The following STARD4 variants were observed in gnomAD, a reference collection of about 807,000 sequenced individuals.
STARD4 encodes the protein StAR related lipid transfer domain containing 4.
STARD4 carries 33 observed loss-of-function variants against 24.9 expected under a neutral mutation model. The observed-to-expected ratio is 1.32, with a 90% CI of 1.00 to 1.77. STARD4 has a LOEUF of 1.77. STARD4 is among the 40% of genes most tolerant of loss of function. The pLI is 0.00. For missense variants in STARD4, 238 were observed against 249.3 expected (o/e 0.95, Z 0.31); for synonymous variants, 88 against 77.4 (o/e 1.14, Z -0.72).
chr5:111,502,341 C>A (rs148236970), intron 3 of STARD4, among the ~76,000 whole-genome samples: 2 of 151,338 alleles, frequency 1.3e-5, no homozygotes, highest in South Asian at 4.2e-4. Flanking sequence ...TGGTGGCATG[C>A]GCCTGTAGTC....
In STARD4 at chr5:111,506,384, A is replaced by G. The variant is rs1210732766; in HGVS notation, c.106-5T>C. 4 of 1,425,766 alleles carry G rather than the reference A, an allele frequency of 2.8e-6. No individual in the cohort carries two copies. The highest frequency in any genetic ancestry group is 1.9e-6 in the Non-Finnish European group (2 of 1,027,680). The allele number at this position is 1,425,766 out of a possible 1,614,324, so 88.3% of individuals were successfully genotyped here. ...TCTCCAAACAGTTACATCTTTCTAG[A>G]AAAATAAAAACATTATATGGTAATA... On this transcript the variant is annotated splice_polypyrimidine_tract_variant and splice_region_variant and intron_variant, in intron 2 of 5. Coordinates refer to ENST00000296632, the MANE Select transcript of STARD4 (RefSeq NM_139164.3).
At chr5:111,505,283 T>A (rs1342571837) in intron 3 of STARD4, among the ~76,000 whole-genome samples, 1 of 152,242 alleles carries the variant, frequency 6.6e-6, no homozygotes, top group Non-Finnish European at 1.5e-5. Flanking sequence ...ACTTCCATAC[T>A]TGCTTACAAT....
At position 111,506,007 on chromosome 5, in the gene STARD4, T is replaced by G. The variant is rs370697442; in HGVS notation, c.155+323A>C. ...GAGCTCAAGACCAGCCTAGCCAAGATGGTGAAACCCCATCTGTACTAAAAA... is the reference window on the plus strand; with the variant it reads ...GAGCTCAAGACCAGCCTAGCCAAGAGGGTGAAACCCCATCTGTACTAAAAA... On this transcript the variant is annotated intron_variant, in intron 3 of 5. Transcript: ENST00000296632. Among the ~76,000 whole-genome samples, 162 of 152,102 alleles carry G rather than the reference T, an allele frequency of 1.1e-3. 1 individual carries two copies. The highest frequency in any genetic ancestry group is 3.8e-3 in the African/African-American group (156 of 41,498).
At chr5:111,510,227 G>A (rs1172255449) in intron 1 of STARD4, among the ~76,000 whole-genome samples, 1 of 152,164 alleles carries the variant, frequency 6.6e-6, no homozygotes, top group African/African-American at 2.4e-5. Context: ...TGTGTAAACA[G>A]GCATAATTGA....
intron 3 of STARD4, among the ~76,000 whole-genome samples, chr5:111,505,890 AT>A (rs1756816892): frequency 6.6e-6 from 1 of 151,866 alleles, no homozygotes; most frequent in Non-Finnish European, 1.5e-5. Flanking sequence ...CATAAGCCCA[AT>A]TTGCTTTCCG....
In STARD4 at chr5:111,499,697, A is replaced by G; in HGVS notation, c.*189T>C. 1 of 595,902 alleles carries G rather than the reference A, an allele frequency of 1.7e-6. No homozygotes were observed. Among genetic ancestry groups the G allele is most frequent in the Non-Finnish European group, 2.9e-6 (1 of 344,208 alleles). The allele number at this position is 595,902 out of a possible 1,614,324, so 36.9% of individuals were successfully genotyped here. A position where few individuals can be genotyped will look rare whatever the true frequency, so the allele number is the denominator to read the frequency against. On this transcript the variant is annotated 3_prime_UTR_variant, in exon 6 of 6. Coordinates refer to ENST00000296632, the MANE Select transcript of STARD4 (RefSeq NM_139164.3). ...GAGCCTGTCTCAAAATTTAAAAAAA[A>G]AAAAGTGAAAATGCCCTCTCTTAGA... is the stretch of plus-strand genomic sequence containing the variant.
chr5:111,501,767 CA>C (rs938218475), intron 4 of STARD4, among the ~76,000 whole-genome samples, 194 bp downstream of exon 4: 1 of 152,144 alleles, frequency 6.6e-6, no homozygotes, highest in African/African-American at 2.4e-5. Context: ...GTCTAACACT[CA>C]TTAATTAGTA....
intron 5 of STARD4, chr5:111,500,640 G>T (rs944137030): frequency 2.9e-5 from 35 of 1,196,792 alleles, no homozygotes; most frequent in Non-Finnish European, 3.5e-5. Flanking sequence ...AAGGAAGGAA[G>T]AATATTCTAA....
chr5:111,505,246 A>G (rs1038964757), intron 3 of STARD4, among the ~76,000 whole-genome samples: 1 of 152,150 alleles, frequency 6.6e-6, no homozygotes, highest in South Asian at 2.1e-4. Flanking sequence ...TTCAACCCTC[A>G]CTGGGAATTA....
At chr5:111,509,650 G>A (rs1274231186) in intron 1 of STARD4, among the ~76,000 whole-genome samples, 2 of 152,004 alleles carry the variant, frequency 1.3e-5, no homozygotes, top group Non-Finnish European at 2.9e-5. Flanking sequence ...TAAAATCTTT[G>A]GGGGGTAGGA....
Position 111,512,393 on chromosome 5 carries a change from G to C in STARD4, c.-18C>G, listed in dbSNP as rs1757389276. 6.6e-6 allele frequency: 1 copy of C among 152,572 alleles called. No homozygotes were observed. Among genetic ancestry groups the C allele is most frequent in the African/African-American group, 2.4e-5 (1 of 41,584 alleles). The allele number at this position is 152,572 out of a possible 1,614,324, so 9.5% of individuals were successfully genotyped here. A position where few individuals can be genotyped will look rare whatever the true frequency, so the allele number is the denominator to read the frequency against. On this transcript the variant is annotated 5_prime_UTR_variant, in exon 1 of 6. Transcript: ENST00000296632. ...TCCGTGGCTCTCCTTACCTTTACCTGAGGTGAAGCAAGGACGTGGAAGCAG... is the reference window on the plus strand; with the variant it reads ...TCCGTGGCTCTCCTTACCTTTACCTCAGGTGAAGCAAGGACGTGGAAGCAG...
chr5:111,496,786 G>A lies in STARD4; in HGVS notation c.*3100C>T, dbSNP rs1216509516. 6.6e-6 allele frequency: 1 copy of A among 151,938 alleles called. No individual in the cohort carries two copies. Among genetic ancestry groups the A allele is most frequent in the Non-Finnish European group, 1.5e-5 (1 of 67,920 alleles). The allele number at this position is 151,938 out of a possible 1,614,324, so 9.4% of individuals were successfully genotyped here. On this transcript the variant is annotated 3_prime_UTR_variant, in exon 6 of 6. Transcript: ENST00000296632. ...GGAAGGAAAAAAATTCTATTAACTA[G>A]GAGATGTTGTACAGATAGAAATCTA...
chr5:111,505,362 A>G (rs74501477), intron 3 of STARD4, among the ~76,000 whole-genome samples: 6,109 of 152,248 alleles, frequency 0.04, 396 homozygotes, highest in African/African-American at 0.14. Context: ...TGGAAATGTT[A>G]TCTTTGGCAT....
rs1366704567 is a variant in STARD4 at position 111,497,638 on chromosome 5, AT to A, written c.*2247del. 6.6e-6 allele frequency: 1 copy of A among 152,048 alleles called. No individual in the cohort carries two copies. Among genetic ancestry groups the A allele is most frequent in the African/African-American group, 2.4e-5 (1 of 41,444 alleles). The allele number at this position is 152,048 out of a possible 1,614,324, so 9.4% of individuals were successfully genotyped here. Reference sequence around the variant, plus strand: ...AAATTAACTTCAGCTGTTTATTTTTATTTTTTAATGTGGCTTCTAGAATTTT... The same window carrying A: ...AAATTAACTTCAGCTGTTTATTTTTATTTTTAATGTGGCTTCTAGAATTTT... On this transcript the variant is annotated 3_prime_UTR_variant, in exon 6 of 6. Coordinates refer to ENST00000296632, the MANE Select transcript of STARD4 (RefSeq NM_139164.3).
intron 4 of STARD4, among the ~76,000 whole-genome samples, 188 bp from the exon 5 acceptor site, chr5:111,501,304 A>T (rs1027961655): frequency 6.6e-5 from 10 of 152,218 alleles, no homozygotes; most frequent in Admixed American, 6.5e-4. Context: ...ATGGCCATGA[A>T]GAAGATATAT....
intron 1 of STARD4, among the ~76,000 whole-genome samples, chr5:111,509,637 C>T (rs1351344358): frequency 6.6e-6 from 1 of 152,134 alleles, no homozygotes; most frequent in Non-Finnish European, 1.5e-5. Context: ...TCCCGTTTAA[C>T]TGTAAAATCT....
intron 3 of STARD4, among the ~76,000 whole-genome samples, chr5:111,502,851 T>C (rs577401449): frequency 2.0e-5 from 3 of 150,918 alleles, no homozygotes; most frequent in Admixed American, 6.6e-5. Flanking sequence ...TAAATCCCAA[T>C]AACTTTTCTG....
intron 2 of STARD4, 125 bp from the exon 3 acceptor site, chr5:111,506,504 T>G (rs1221516095): frequency 2.4e-6 from 1 of 424,192 alleles, no homozygotes; most frequent in African/African-American, 2.1e-5. Context: ...ATTTTCAGAA[T>G]ACATAAAAGT....
rs991856136 is a variant in STARD4, at chr5:111,500,583, C to G, written c.397+419G>C. On this transcript the variant is annotated intron_variant, in intron 5 of 5. Coordinates refer to ENST00000296632, the MANE Select transcript of STARD4 (RefSeq NM_139164.3). Reference sequence around the variant, plus strand: ...GTACGTTTTAGAAAACAGGAGCCTTCCAATGGCAGTATTTTTAATCTTGAA... The same window carrying G: ...GTACGTTTTAGAAAACAGGAGCCTTGCAATGGCAGTATTTTTAATCTTGAA... 2.7e-6 allele frequency: 3 copies of G among 1,094,342 alleles called. No homozygotes were observed. In the South Asian group the frequency reaches 1.1e-4, roughly 39 times the overall value. The allele number at this position is 1,094,342 out of a possible 1,614,324, so 67.8% of individuals were successfully genotyped here. A position where few individuals can be genotyped will look rare whatever the true frequency, so the allele number is the denominator to read the frequency against.
Sources: gnomAD v4.1 joint callset for allele counts (sites outside exome capture counted in the v4.1 genomes callset) on GRCh38, gnomAD v4.1.1 for gene constraint, MANE v1.5 for transcripts, NCBI Gene and HGNC (gene_info 2026-07-23, HGNC 2026-07-21) for gene names.